Variants in DNAH12 observed in about 807,000 individuals in gnomAD.
DNAH12 encodes the protein axonemal beta dynein heavy chain 12.
A neutral mutation model predicts 371.5 loss-of-function variants in DNAH12; 285 were observed. That is an observed-to-expected ratio of 0.77 (90% CI 0.70 to 0.85). The LOEUF (loss-of-function observed/expected upper bound fraction) is 0.85. DNAH12 is among the 40% of genes least tolerant of loss of function. The pLI is 0.00. For synonymous variants in DNAH12, 1,200 were observed against 1,213.0 expected (o/e 0.99, Z 0.22); for missense variants, 3,611 against 3,689.4 (o/e 0.98, Z 0.55).
chr3:57,547,676 A>G (rs1241526982), upstream of DNAH12, among the ~76,000 whole-genome samples: 1 of 152,250 alleles, frequency 6.6e-6, no homozygotes, highest in Non-Finnish European at 1.5e-5. Flanking sequence ...AAAACTACAG[A>G]TAATGCAGAG....
chr3:57,318,102 TC>T (rs1365673716), intron 65 of DNAH12, among the ~76,000 whole-genome samples: 1 of 152,206 alleles, frequency 6.6e-6, no homozygotes, highest in Admixed American at 6.5e-5. Flanking sequence ...AAATAATTTC[TC>T]CCATTCCTTA....
intron 65 of DNAH12, among the ~76,000 whole-genome samples, chr3:57,316,796 G>A (rs552365184): frequency 2.0e-5 from 3 of 152,278 alleles, no homozygotes; most frequent in African/African-American, 7.2e-5. Context: ...GCTGCCTTGT[G>A]AAGAAGGTGC....
At chr3:57,338,633 C>T (rs2062301038) in intron 60 of DNAH12, among the ~76,000 whole-genome samples, 1 of 143,938 alleles carries the variant, frequency 6.9e-6, no homozygotes, top group Non-Finnish European at 1.5e-5. Context: ...CCTGGCCGCC[C>T]CGTCTAGAAA....
chr3:57,487,497 G>T (rs1281938967), intron 12 of DNAH12, among the ~76,000 whole-genome samples: 3 of 152,142 alleles, frequency 2.0e-5, no homozygotes, highest in Non-Finnish European at 4.4e-5. Flanking sequence ...CATCTTGCTA[G>T]TGCAGAATCT....
intron 1 of DNAH12, among the ~76,000 whole-genome samples, chr3:57,543,616 C>G (rs2069398605): frequency 6.6e-6 from 1 of 151,304 alleles, no homozygotes; most frequent in South Asian, 2.1e-4. Flanking sequence ...CCACCGCCCC[C>G]AGCCAATCAT....
intron 2 of DNAH12, among the ~76,000 whole-genome samples, chr3:57,527,556 G>A (rs1238135537): frequency 6.6e-6 from 1 of 152,026 alleles, no homozygotes; most frequent in Non-Finnish European, 1.5e-5. Flanking sequence ...GGGGTGGGAG[G>A]CACACTTTGA....
At chr3:57,297,032 A>T (rs1368284655) in intron 70 of DNAH12, 48 bp from the exon 71 acceptor site, 2 of 1,539,872 alleles carry the variant, frequency 1.3e-6, no homozygotes, top group East Asian at 4.9e-5. Context: ...AAAGTTATAC[A>T]AGTGCCACCT....
At chr3:57,544,369 G>A (rs1026975044), upstream of DNAH12, 1 of 152,226 alleles carries the variant, frequency 6.6e-6, no homozygotes, top group African/African-American at 2.4e-5. Flanking sequence ...TGGAAACAAC[G>A]TCGTCGCCAT....
At chr3:57,452,221 T>C (rs1380521897) in intron 25 of DNAH12, among the ~76,000 whole-genome samples, 3 of 152,182 alleles carry the variant, frequency 2.0e-5, no homozygotes, top group African/African-American at 7.2e-5. Context: ...ACTGCTACCA[T>C]TCAGATAAAC....
At chr3:57,499,485 G>C (rs893886187) in intron 11 of DNAH12, among the ~76,000 whole-genome samples, 3 of 150,082 alleles carry the variant, frequency 2.0e-5, no homozygotes, top group African/African-American at 7.4e-5. Context: ...GGTATGCTTT[G>C]TAAAATTCCT....
rs565987439 is a variant in DNAH12 at position 57,449,076 on chromosome 3, C to T, written c.3787-2387G>A. Among the ~76,000 whole-genome samples, 3 of 84,776 alleles carry T rather than the reference C, an allele frequency of 3.5e-5. 1 individual carries two copies. The highest frequency in any genetic ancestry group is 1.6e-4 in the African/African-American group (3 of 19,030). 55.6% of individuals were successfully genotyped at this position (84,776 alleles called of 152,430 possible). ...GTGTTTACAAACCTTGAGCTAGATA[C>T]AGAGTGCCGATTGGTGTATTTACAA... On this transcript the variant is annotated intron_variant, in intron 25 of 73. Transcript: ENST00000495027.
chr3:57,503,995 C>T (rs757016380), intron 9 of DNAH12, 21 bp downstream of exon 9: 18 of 1,588,634 alleles, frequency 1.1e-5, no homozygotes, highest in Admixed American at 5.3e-5. Flanking sequence ...AATTCTTTCC[C>T]GATGGGTAAA....
intron 32 of DNAH12, among the ~76,000 whole-genome samples, chr3:57,430,361 AAATG>A (rs1337197925): frequency 1.3e-5 from 2 of 152,180 alleles, no homozygotes; most frequent in Non-Finnish European, 2.9e-5. Flanking sequence ...ACACCTAACA[AAATG>A]AATAATTCTT....
rs1553680884 is a variant in DNAH12, at chr3:57,405,686, A to C, written c.6543T>G (p.Ser2181Arg). The C allele has an allele frequency of 6.4e-7, 1 of 1,551,636 alleles. No individual in the cohort carries two copies. The highest frequency in any genetic ancestry group is 2.0e-5 in the Admixed American group (1 of 51,008). ...TTTGTTTCCTCAAATGTGAAAAGAT[A>C]CTGTGAAATGATTCTTTAAAATGGT... ...IKDHFKESFH[S>R]IFSHLRKQNA... Residue 2181 changes from serine (S) to arginine (R), a missense_variant, in exon 41 of 74, where the codon AGT becomes AGG. Physicochemically the swap from Ser to Arg is moderately radical, Grantham distance 110. This residue lies in a region of DNAH12 where 2,266 missense variants were observed against 2,236.9 expected (regional missense o/e 1.01). Transcript: ENST00000495027.
chr3:57,300,684 C>G (rs561916880), intron 70 of DNAH12, among the ~76,000 whole-genome samples: 27 of 152,260 alleles, frequency 1.8e-4, no homozygotes, highest in Middle Eastern at 3.4e-3. Context: ...GTCTGTCTCT[C>G]TACATTCTTA....
At chr3:57,550,348 T>G in the DNAH12 span, among the ~76,000 whole-genome samples, 1 of 151,866 alleles carries the variant, frequency 6.6e-6, no homozygotes, top group Non-Finnish European at 1.5e-5. Context: ...AAACAATGAA[T>G]AAATAAATAT....
At chr3:57,345,133 G>A (rs782261857) in intron 60 of DNAH12, among the ~76,000 whole-genome samples, 8 of 151,878 alleles carry the variant, frequency 5.3e-5, no homozygotes, top group African/African-American at 1.7e-4. Context: ...ATGCATTTAC[G>A]GTATATACTG....
chr3:57,397,265 T>C lies in DNAH12; in HGVS notation c.6949-2933A>G, dbSNP rs2063762085. The stretch of plus-strand genomic sequence containing the variant: ...CCTTTGTAAGGACTTTAGAAACTAG[T>C]TAAGTGGCTGCAGCACCCAGAAAAG... On this transcript the variant is annotated intron_variant, in intron 43 of 73. Coordinates refer to ENST00000495027, the MANE Select transcript of DNAH12 (RefSeq NM_001366028.2). 2.0e-5 allele frequency among the ~76,000 whole-genome samples: 3 copies of C among 152,218 alleles called. No homozygotes were observed. In the South Asian group the frequency reaches 6.2e-4, roughly 32 times the overall value.
intron 13 of DNAH12, among the ~76,000 whole-genome samples, chr3:57,476,986 T>A (rs1211529374): frequency 2.0e-5 from 3 of 152,134 alleles, no homozygotes; most frequent in Non-Finnish European, 4.4e-5. Flanking sequence ...AGTCTACAGC[T>A]CCCAGTGTGA....
Sources: gnomAD v4.1 joint callset for allele counts (sites outside exome capture counted in the v4.1 genomes callset) on GRCh38, gnomAD v4.1.1 for gene constraint, gnomAD v4.1.1 regional missense constraint, MANE v1.5 for transcripts, NCBI Gene and HGNC (gene_info 2026-07-23, HGNC 2026-07-21) for gene names.